SLC15A1: variants seen among roughly 807,000 people sequenced by gnomAD.
The protein encoded by SLC15A1 is Caco-2 oligopeptide transporter.
In SLC15A1, 83 loss-of-function variants were observed where a neutral mutation model predicts 92.9. That is an observed-to-expected ratio of 0.89 (90% CI 0.75 to 1.07). The LOEUF (loss-of-function observed/expected upper bound fraction) is 1.07. Ranked by LOEUF, SLC15A1 falls within the 50% of genes least tolerant of loss-of-function variation. SLC15A1 has a pLI of 0.00. For synonymous variants in SLC15A1, 322 were observed against 318.2 expected, an observed-to-expected ratio of 1.01 and a Z score of -0.13; for missense variants, 857 against 880.1, an observed-to-expected ratio of 0.97 and a Z score of 0.33.
At chr13:98,730,251 GGGGAAGGGGAGGGGAA>G (rs1485728286) in intron 1 of SLC15A1, among the ~76,000 whole-genome samples, 31 of 69,930 alleles carry the variant, frequency 4.4e-4, no homozygotes, top group African/African-American at 2.3e-3. Context: ...GGGAAGGGGA[GGGGAAGGGGAGGGGAA>G]GGGGAGGGGA....
chr13:98,691,453 A>T (rs1253824473), intron 18 of SLC15A1, among the ~76,000 whole-genome samples: 2 of 152,242 alleles, frequency 1.3e-5, no homozygotes, highest in African/African-American at 4.8e-5. Context: ...GCTGCAATGA[A>T]CATGCATGCA....
intron 9 of SLC15A1, 116 bp from the exon 10 acceptor site, chr13:98,712,700 T>C: frequency 1.5e-6 from 1 of 665,122 alleles, no homozygotes; most frequent in South Asian, 1.9e-5. Flanking sequence ...AAGCAAAATA[T>C]ACAATTGTAT....
At chr13:98,687,515 G>A in intron 21 of SLC15A1, 66 bp downstream of exon 21, 2 of 1,544,282 alleles carry the variant, frequency 1.3e-6, no homozygotes, top group South Asian at 1.2e-5. Flanking sequence ...TTTAAATTAA[G>A]TCCCATCAGC....
At chr13:98,722,589 T>C (rs1339817066) in intron 5 of SLC15A1, among the ~76,000 whole-genome samples, 3 of 152,212 alleles carry the variant, frequency 2.0e-5, no homozygotes, top group African/African-American at 7.2e-5. Flanking sequence ...CCATATCTTC[T>C]TGGTTGCTAA....
chr13:98,699,044 C>T (rs2088045852), intron 18 of SLC15A1, among the ~76,000 whole-genome samples: 1 of 152,102 alleles, frequency 6.6e-6, no homozygotes, highest in Admixed American at 6.6e-5. Context: ...TTTATAAATA[C>T]TGTCACGATC....
chr13:98,702,258 T>C (rs918202096), intron 18 of SLC15A1, among the ~76,000 whole-genome samples: 5 of 152,226 alleles, frequency 3.3e-5, no homozygotes, highest in African/African-American at 1.2e-4. Flanking sequence ...TCAAATGCTT[T>C]TTTTAATCAA....
intron 18 of SLC15A1, among the ~76,000 whole-genome samples, chr13:98,693,312 G>T (rs1203375871): frequency 1.3e-5 from 2 of 152,000 alleles, no homozygotes; most frequent in African/African-American, 4.8e-5. Flanking sequence ...TGGCTAGGCT[G>T]GTCTCGAATT....
intron 22 of SLC15A1, 68 bp from the exon 23 acceptor site, chr13:98,684,983 T>A: frequency 7.3e-7 from 1 of 1,363,032 alleles, no homozygotes; most frequent in Non-Finnish European, 1.0e-6. Flanking sequence ...GATGAATATA[T>A]GGTGCGTACA....
chr13:98,723,959 G>A lies in SLC15A1; in HGVS notation c.318C>T (p.Leu106=). The A allele has an allele frequency of 1.2e-6, 2 of 1,614,196 alleles. No individual in the cohort carries two copies. The highest frequency in any genetic ancestry group is 1.1e-5 in the South Asian group (1 of 91,072). ...AVTSVSSIND[L]TDHNHDGTPD... ...GGGTGCCATCATGGTTGTGGTCTGTGAGGTCATTAATGGAGCTTACTGAGG... is the reference window on the plus strand; with the variant it reads ...GGGTGCCATCATGGTTGTGGTCTGTAAGGTCATTAATGGAGCTTACTGAGG... Residue 106 remains leucine, a synonymous_variant, in exon 5 of 23, where the codon CTC becomes CTT. Transcript: ENST00000376503.
Position 98,748,027 on chromosome 13 carries a change from C to T in SLC15A1, c.4+4568G>A, listed in dbSNP as rs549526674. On this transcript the variant is annotated intron_variant, in intron 1 of 22. Coordinates refer to ENST00000376503, the MANE Select transcript of SLC15A1 (RefSeq NM_005073.4). ...AACCTAAAGTAGGCAAACCCTCCTG[C>T]TCAGACAAACACTCCTAGTTGCTGC... is the stretch of plus-strand genomic sequence containing the variant. Among the ~76,000 whole-genome samples, 3 of 152,294 alleles carry T rather than the reference C, an allele frequency of 2.0e-5. No individual in the cohort carries two copies. In the South Asian group the frequency reaches 6.2e-4, roughly 32 times the overall value.
chr13:98,705,674 C>A (rs1283809956), intron 16 of SLC15A1, among the ~76,000 whole-genome samples: 1 of 151,996 alleles, frequency 6.6e-6, no homozygotes, highest in African/African-American at 2.4e-5. Context: ...GGTGAATCAC[C>A]TGAGGTCAGG....
intron 15 of SLC15A1, 76 bp from the exon 16 acceptor site, chr13:98,706,329 G>C (rs1481872543): frequency 2.6e-6 from 4 of 1,541,874 alleles, no homozygotes; most frequent in African/African-American, 2.8e-5. Context: ...TGACAAGGGG[G>C]TGCTTTCCTC....
At chr13:98,691,280 G>A (rs2087973628) in intron 18 of SLC15A1, among the ~76,000 whole-genome samples, 1 of 151,902 alleles carries the variant, frequency 6.6e-6, no homozygotes, top group African/African-American at 2.4e-5. Flanking sequence ...CTCATGACCT[G>A]CCCACCTCGG....
intron 18 of SLC15A1, among the ~76,000 whole-genome samples, chr13:98,693,101 T>TG: frequency 7.2e-6 from 1 of 139,326 alleles, no homozygotes; most frequent in East Asian, 2.0e-4. Context: ...TTTTTTTTTT[T>TG]TTTTTTTTTT....
At chr13:98,706,341 A>G in intron 15 of SLC15A1, 88 bp from the exon 16 acceptor site, 1 of 1,453,684 alleles carries the variant, frequency 6.9e-7, no homozygotes, top group Non-Finnish European at 9.4e-7. Flanking sequence ...GCTTTCCTCC[A>G]GCTGGGAAAA....
chr13:98,699,165 C>T (rs192508059), intron 18 of SLC15A1, among the ~76,000 whole-genome samples: 9 of 152,102 alleles, frequency 5.9e-5, no homozygotes, highest in Non-Finnish European at 1.0e-4. Context: ...TGGCTTTCTG[C>T]GAATGTCATG....
Position 98,726,154 on chromosome 13 carries a change from G to A in SLC15A1, c.214C>T (p.Leu72Phe), listed in dbSNP as rs201813894. Residue 72 changes from leucine to phenylalanine, a missense_variant, in exon 4 of 23, where the codon CTT becomes TTT. Physicochemically the swap from Leu to Phe is conservative, Grantham distance 22. Coordinates refer to ENST00000376503, the MANE Select transcript of SLC15A1 (RefSeq NM_005073.4). ...TTTCCCAGCCACGAGTCGGCGATAA[G>A]AGCTCCGAGAATTGGCGTCAGGTAG... ...LCYLTPILGALIADSWLGKFK... is the reference protein window; with the variant it reads ...LCYLTPILGAFIADSWLGKFK... 3.0e-5 allele frequency: 49 copies of A among 1,614,140 alleles called. No individual in the cohort carries two copies. In the East Asian group the frequency reaches 1.0e-3, roughly 34 times the overall value.
chr13:98,723,325 A>G (rs2088274638), intron 5 of SLC15A1, among the ~76,000 whole-genome samples: 1 of 152,200 alleles, frequency 6.6e-6, no homozygotes, highest in African/African-American at 2.4e-5. Context: ...AGCTCATTAG[A>G]TAGTTTACTT....
At chr13:98,734,594 G>A (rs573553796) in intron 1 of SLC15A1, among the ~76,000 whole-genome samples, 14 of 152,186 alleles carry the variant, frequency 9.2e-5, no homozygotes, top group African/African-American at 2.9e-4. Flanking sequence ...CTTTTCCAAC[G>A]GTCTTAGCAA....
Sources: allele counts gnomAD v4.1 joint callset (sites outside exome capture counted in the v4.1 genomes callset), GRCh38; gene constraint gnomAD v4.1.1; transcripts MANE v1.5; gene names NCBI Gene and HGNC (gene_info 2026-07-23, HGNC 2026-07-21).